Variants in ZC3H12B observed in about 807,000 individuals in gnomAD.
ZC3H12B encodes the protein probable ribonuclease ZC3H12B.
Under a neutral mutation model 43.9 loss-of-function variants are expected in ZC3H12B, and 7 were observed. The observed-to-expected ratio is 0.16, with a 90% CI of 0.09 to 0.30. The LOEUF (loss-of-function observed/expected upper bound fraction) is 0.30. ZC3H12B is among the 10% of genes least tolerant of loss of function. The pLI is 1.00. For missense variants in ZC3H12B, 475 were observed against 670.2 expected (o/e 0.71, Z 3.22); for synonymous variants, 222 against 241.7 (o/e 0.92, Z 0.76).
At chrX:65,046,227 A>G in the ZC3H12B span, among the ~76,000 whole-genome samples, 4 of 111,794 alleles carry the variant, frequency 3.6e-5, no homozygotes, top group Non-Finnish European at 7.5e-5. Flanking sequence ...CCAGACATTG[A>G]CTTCTCTCTA....
the ZC3H12B span, among the ~76,000 whole-genome samples, chrX:65,328,944 A>C: frequency 1.8e-5 from 2 of 109,483 alleles, no homozygotes; most frequent in African/African-American, 6.7e-5. Flanking sequence ...AATCCAATCT[A>C]TCATTGTTGG....
the ZC3H12B span, among the ~76,000 whole-genome samples, chrX:65,062,337 T>C: frequency 8.9e-6 from 1 of 112,303 alleles, no homozygotes; most frequent in East Asian, 2.8e-4. Flanking sequence ...AATTTTTGTT[T>C]AAGGTGTAAG....
chrX:65,234,844 T>TC, the ZC3H12B span, among the ~76,000 whole-genome samples: 2 of 111,318 alleles, frequency 1.8e-5, no homozygotes, highest in East Asian at 2.8e-4. Flanking sequence ...ATGCTCTTTC[T>TC]CCCCCCACCA....
the ZC3H12B span, among the ~76,000 whole-genome samples, chrX:65,155,494 C>A: frequency 5.4e-5 from 6 of 110,935 alleles, no homozygotes; most frequent in African/African-American, 9.8e-5. Flanking sequence ...GTTAAATGAT[C>A]CGTGGGTTTT....
the ZC3H12B span, among the ~76,000 whole-genome samples, chrX:65,227,080 T>G: frequency 9.0e-6 from 1 of 111,268 alleles, no homozygotes; most frequent in Non-Finnish European, 1.9e-5. Flanking sequence ...ATAATATACA[T>G]TTTTTTCAGC....
chrX:65,337,325 G>T, the ZC3H12B span, among the ~76,000 whole-genome samples: 2 of 112,084 alleles, frequency 1.8e-5, no homozygotes, highest in East Asian at 5.6e-4. Flanking sequence ...TGGATTTTGT[G>T]CAAGAAAGAA....
chrX:65,496,984 G>T (rs182705396), intron 1 of ZC3H12B, 148 bp from the exon 7 acceptor site: 58 of 366,110 alleles, frequency 1.6e-4, no homozygotes, highest in Non-Finnish European at 2.4e-4. Context: ...GAAAAGAAAA[G>T]AAGCAAAAGG....
chrX:65,241,399 G>T, the ZC3H12B span, among the ~76,000 whole-genome samples: 1 of 110,105 alleles, frequency 9.1e-6, no homozygotes, highest in African/African-American at 3.3e-5. Context: ...ACTCCCTGGA[G>T]CCGGCAGGCT....
chrX:65,111,449 G>A, the ZC3H12B span, among the ~76,000 whole-genome samples: 5 of 110,925 alleles, frequency 4.5e-5, no homozygotes, highest in African/African-American at 1.6e-4. Flanking sequence ...TTGAATTTTA[G>A]CAAATGCTTT....
the ZC3H12B span, among the ~76,000 whole-genome samples, chrX:65,221,894 G>GA: frequency 8.7e-4 from 91 of 104,297 alleles, no homozygotes; most frequent in Admixed American, 2.3e-3. Flanking sequence ...CATAACAAAA[G>GA]AAAAAAAAAA....
At chrX:65,236,678 G>A in the ZC3H12B span, among the ~76,000 whole-genome samples, 2 of 111,446 alleles carry the variant, frequency 1.8e-5, no homozygotes, top group East Asian at 5.6e-4. Flanking sequence ...TTATAGTTTT[G>A]GGTTTTACAT....
chrX:65,047,754 G>A, the ZC3H12B span, among the ~76,000 whole-genome samples: 1 of 109,997 alleles, frequency 9.1e-6, no homozygotes, highest in African/African-American at 3.3e-5. Flanking sequence ...GCCTACCCAT[G>A]TAGGTGTATT....
At chrX:65,163,201 T>C in the ZC3H12B span, among the ~76,000 whole-genome samples, 2 of 111,335 alleles carry the variant, frequency 1.8e-5, no homozygotes, top group African/African-American at 3.3e-5. Context: ...CCCAGTTAGG[T>C]TGCTCGGGGG....
the ZC3H12B span, among the ~76,000 whole-genome samples, chrX:65,207,086 G>A: frequency 3.7e-5 from 4 of 108,470 alleles, no homozygotes; most frequent in Non-Finnish European, 7.6e-5. Flanking sequence ...AGCCATTATG[G>A]AAATCAGTAT....
chrX:65,392,107 G>C (rs1038602649), intron 2 of ZC3H12B, among the ~76,000 whole-genome samples: 12 of 111,179 alleles, frequency 1.1e-4, no homozygotes, highest in Non-Finnish European at 2.1e-4. Context: ...CATGATCTCG[G>C]CTCGCTACAA....
At position 65,408,106 on chromosome X, in the gene ZC3H12B, G is replaced by T. The variant is rs907762620; in HGVS notation, n.407+9402G>T. The stretch of plus-strand genomic sequence containing the variant: ...CGATGTTCCCGCAGAGCCGGCACCC[G>T]ACGCCGCACCAGGCTGCAGGCCAGC... On this transcript the variant is annotated intron_variant and non_coding_transcript_variant, in intron 3 of 5. Coordinates refer to the ZC3H12B transcript ENST00000617377. 14 of 1,195,308 alleles carry T rather than the reference G, an allele frequency of 1.2e-5. No individual in the cohort carries two copies. The African/African-American group carries it at 2.4e-4, about 21-fold the overall frequency.
the ZC3H12B span, among the ~76,000 whole-genome samples, chrX:65,079,915 A>C: frequency 9.0e-6 from 1 of 111,471 alleles, no homozygotes; most frequent in Non-Finnish European, 1.9e-5. Context: ...ACAGAGATAT[A>C]TGATCTTCCA....
At chrX:65,345,503 G>A in the ZC3H12B span, among the ~76,000 whole-genome samples, 2 of 111,144 alleles carry the variant, frequency 1.8e-5, no homozygotes, top group African/African-American at 3.3e-5. Flanking sequence ...GATAACACAC[G>A]GGCAAATAGA....
the ZC3H12B span, among the ~76,000 whole-genome samples, chrX:65,187,719 G>A: frequency 9.5e-6 from 1 of 105,124 alleles, no homozygotes; most frequent in Non-Finnish European, 1.9e-5. Context: ...CACATGAGAT[G>A]TTTTGATACA....
Sources: allele counts gnomAD v4.1 joint callset (sites outside exome capture counted in the v4.1 genomes callset), GRCh38; gene constraint gnomAD v4.1.1; transcripts MANE v1.5; gene names NCBI Gene and HGNC (gene_info 2026-07-23, HGNC 2026-07-21).